Variants in CBX7 observed in about 807,000 individuals in gnomAD.
The protein encoded by CBX7 is chromobox 7.
CBX7 carries 14 observed loss-of-function variants against 31.4 expected under a neutral mutation model. The ratio of observed to expected loss-of-function variants is 0.45; its 90% CI spans 0.29 to 0.70. The LOEUF is 0.70. CBX7 is among the 30% of genes least tolerant of loss of function. The pLI is 0.11. For synonymous variants in CBX7, 159 were observed against 152.6 expected (o/e 1.04, Z -0.31); for missense variants, 269 against 351.9 (o/e 0.76, Z 1.89).
intron 2 of CBX7, among the ~76,000 whole-genome samples, chr22:39,142,327 C>T (rs9611099): frequency 0.23 from 34,657 of 152,124 alleles, 4,689 homozygotes; most frequent in East Asian, 0.43. Flanking sequence ...CCATCCCCAG[C>T]ATAGTCTCCC....
At chr22:39,136,241 C>T (rs1221972464) in intron 4 of CBX7, 1 of 152,148 alleles carries the variant, frequency 6.6e-6, no homozygotes, top group African/African-American at 2.4e-5. Context: ...AGCTACCGGC[C>T]TCCCTGGGCC....
chr22:39,152,345 G>T lies in CBX7; in HGVS notation c.69+31C>A. On this transcript the variant is annotated intron_variant, in intron 1 of 5. Transcript: ENST00000216133. The surrounding 1 kb of genome is among the most constrained non-coding windows in gnomAD (Gnocchi z 4.9). ...CTGGGGACGGGAGGGACCCCACTGG[G>T]GTCCTGGGAGCCGCCCCCGGGCAGC... is the stretch of plus-strand genomic sequence containing the variant. The T allele has an allele frequency of 1.5e-6, 2 of 1,357,536 alleles. No homozygotes were observed. The highest frequency in any genetic ancestry group is 1.6e-5 in the South Asian group (1 of 61,882). The allele number at this position is 1,357,536 out of a possible 1,614,324, so 84.1% of individuals were successfully genotyped here.
intron 2 of CBX7, among the ~76,000 whole-genome samples, chr22:39,144,939 C>T (rs138393123): frequency 6.6e-6 from 1 of 152,318 alleles, no homozygotes; most frequent in African/African-American, 2.4e-5. Flanking sequence ...GGCAGCCAGC[C>T]CAGCGTCACT....
intron 2 of CBX7, among the ~76,000 whole-genome samples, chr22:39,145,724 CG>C (rs1242443154): frequency 7.0e-6 from 1 of 141,928 alleles, no homozygotes; most frequent in East Asian, 2.5e-4. Flanking sequence ...ACCGAGGGGG[CG>C]GGGGCGGGGG....
chr22:39,140,804 G>A (rs2146359783), intron 3 of CBX7, among the ~76,000 whole-genome samples: 1 of 152,254 alleles, frequency 6.6e-6, no homozygotes, highest in East Asian at 1.9e-4. Flanking sequence ...CCTGGCAGAG[G>A]TGGGAGACTG....
chr22:39,139,870 T>C (rs1316722529), intron 3 of CBX7, among the ~76,000 whole-genome samples: 5 of 149,644 alleles, frequency 3.3e-5, no homozygotes, highest in African/African-American at 4.9e-5. Flanking sequence ...GCAGAGGTTG[T>C]AGTGAGCCAA....
At chr22:39,147,600 C>A (rs1930707089) in intron 2 of CBX7, 1 of 151,030 alleles carries the variant, frequency 6.6e-6, no homozygotes, top group South Asian at 2.1e-4. Flanking sequence ...AGCTGGCTCC[C>A]CTGCTTCTCC....
chr22:39,146,307 C>T (rs1022331008), intron 2 of CBX7, among the ~76,000 whole-genome samples: 1 of 152,254 alleles, frequency 6.6e-6, no homozygotes, highest in African/African-American at 2.4e-5. Context: ...GTCTGCGGCT[C>T]CTAACTCCAG....
At position 39,132,354 on chromosome 22, in the gene CBX7, C is replaced by T. The variant is rs1157913627; in HGVS notation, c.*1537G>A. On this transcript the variant is annotated 3_prime_UTR_variant, in exon 6 of 6. Transcript: ENST00000216133. ...TCAAACTTGCTGGCCGCACTCCACT[C>T]TTGGTGTGTGTTACCCTGACTCTGA... is the stretch of plus-strand genomic sequence containing the variant. 1.3e-5 allele frequency: 2 copies of T among 152,244 alleles called. No individual in the cohort carries two copies. Among genetic ancestry groups the T allele is most frequent in the African/African-American group, 2.4e-5 (1 of 41,440 alleles). The allele number at this position is 152,244 out of a possible 1,614,324, so 9.4% of individuals were successfully genotyped here.
At chr22:39,147,811 T>C (rs1020406701) in intron 2 of CBX7, 1 of 152,276 alleles carries the variant, frequency 6.6e-6, no homozygotes, top group Admixed American at 6.5e-5. Context: ...CTGGCCTAAA[T>C]GATTTCTAAG....
In CBX7 at chr22:39,132,237, G is replaced by A. The variant is rs888872300; in HGVS notation, c.*1654C>T. 7 of 152,296 alleles carry A rather than the reference G, an allele frequency of 4.6e-5. No homozygotes were observed. The highest frequency in any genetic ancestry group is 7.3e-5 in the Non-Finnish European group (5 of 68,114). 9.4% of individuals were successfully genotyped at this position (152,296 alleles called of 1,614,324 possible). On this transcript the variant is annotated 3_prime_UTR_variant, in exon 6 of 6. Transcript: ENST00000216133. Reference sequence around the variant, plus strand: ...TTGGTTTGGGAACCAGGGAAGAAGGGATTTGGGGAAAGAATCACCCTCTCC... The same window carrying A: ...TTGGTTTGGGAACCAGGGAAGAAGGAATTTGGGGAAAGAATCACCCTCTCC...
chr22:39,137,973 A>G (rs1198591689), intron 4 of CBX7, among the ~76,000 whole-genome samples: 2 of 152,066 alleles, frequency 1.3e-5, no homozygotes, highest in Non-Finnish European at 2.9e-5. Flanking sequence ...TGAGGTCAGG[A>G]GATCGAGACC....
chr22:39,152,182 G>A lies in CBX7; in HGVS notation c.69+194C>T, dbSNP rs1930882778. 6.6e-6 allele frequency among the ~76,000 whole-genome samples: 1 copy of A among 151,980 alleles called. No homozygotes were observed. Among genetic ancestry groups the A allele is most frequent in the Non-Finnish European group, 1.5e-5 (1 of 67,954 alleles). On this transcript the variant is annotated intron_variant, in intron 1 of 5. Transcript: ENST00000216133. This position sits in a 1 kb window ranked among gnomAD's most constrained non-coding sequence, Gnocchi z 4.9. ...TCGGCCGCCACTAGCATCCTGGAGCGACAACTTTTGTTCTACTCGCCCTAC... is the reference window on the plus strand; with the variant it reads ...TCGGCCGCCACTAGCATCCTGGAGCAACAACTTTTGTTCTACTCGCCCTAC...
In CBX7 at chr22:39,141,558, G is replaced by T. The variant is rs947034733; in HGVS notation, c.114-122C>A. On this transcript the variant is annotated intron_variant, in intron 2 of 5. Coordinates refer to ENST00000216133, the MANE Select transcript of CBX7 (RefSeq NM_175709.5). ...GAGGTCAGGAGTTCAAGACCAGCCT[G>T]GCCAACATGGCAAAACCCCATCTCT... 4 of 677,952 alleles carry T rather than the reference G, an allele frequency of 5.9e-6. No homozygotes were observed. The African/African-American group carries it at 7.5e-5, about 13-fold the overall frequency. 42.0% of individuals were successfully genotyped at this position (677,952 alleles called of 1,614,324 possible).
At chr22:39,144,671 G>T (rs1428913909) in intron 2 of CBX7, among the ~76,000 whole-genome samples, 1 of 152,180 alleles carries the variant, frequency 6.6e-6, no homozygotes, top group Non-Finnish European at 1.5e-5. Flanking sequence ...GGGGAATTTC[G>T]TGCTCCTCTC....
At position 39,134,423 on chromosome 22, in the gene CBX7, A is replaced by G; in HGVS notation, c.576T>C (p.Ala192=). 6.2e-7 allele frequency: 1 copy of G among 1,601,752 alleles called. No homozygotes were observed. Among genetic ancestry groups the G allele is most frequent in the Non-Finnish European group, 8.5e-7 (1 of 1,179,472 alleles). ...TACCCTCCTCTTCAGGGGGCTGCGCAGCAGGCTCCCACTCGCCAGCCGCCT... is the reference window on the plus strand; with the variant it reads ...TACCCTCCTCTTCAGGGGGCTGCGCGGCAGGCTCCCACTCGCCAGCCGCCT... ...VLQAAGEWEP[A]AQPPEEEADA... Residue 192 remains alanine (A), a synonymous_variant, in exon 5 of 6, where the codon GCT becomes GCC. Coordinates refer to ENST00000216133, the MANE Select transcript of CBX7 (RefSeq NM_175709.5).
Position 39,152,044 on chromosome 22 carries a change from G to T in CBX7, c.69+332C>A, listed in dbSNP as rs1298498005. Among the ~76,000 whole-genome samples, 2 of 152,168 alleles carry T rather than the reference G, an allele frequency of 1.3e-5. No individual in the cohort carries two copies. Among genetic ancestry groups the T allele is most frequent in the Non-Finnish European group, 2.9e-5 (2 of 68,026 alleles). ...CCCAGCTCTGACCATAACGCGCTAG[G>T]CAAGTCCTTTCAACTTGGGCCTCAG... On this transcript the variant is annotated intron_variant, in intron 1 of 5. Coordinates refer to ENST00000216133, the MANE Select transcript of CBX7 (RefSeq NM_175709.5). This position sits in a 1 kb window ranked among gnomAD's most constrained non-coding sequence, Gnocchi z 4.9.
At position 39,134,449 on chromosome 22, in the gene CBX7, G is replaced by A; in HGVS notation, c.550C>T (p.Gln184Ter). 6.2e-7 allele frequency: 1 copy of A among 1,606,224 alleles called. No individual in the cohort carries two copies. Residue 184 changes from glutamine (Q) to a stop codon, truncating the protein, a stop_gained, in exon 5 of 6, where the codon CAG (glutamine) becomes TAG (stop). Coordinates refer to ENST00000216133, the MANE Select transcript of CBX7 (RefSeq NM_175709.5). LOFTEE classifies it high-confidence loss of function. ...GCAGGCTCCCACTCGCCAGCCGCCTGCAGGACGTCTGGGGCCGGTGGCTCC... is the reference window on the plus strand; with the variant it reads ...GCAGGCTCCCACTCGCCAGCCGCCTACAGGACGTCTGGGGCCGGTGGCTCC... Reference protein sequence around the residue: ...LQEPPAPDVLQAAGEWEPAAQ... With the variant: ...LQEPPAPDVL
In CBX7 at chr22:39,133,823, A is replaced by C; in HGVS notation, c.*68T>G. 2.2e-6 allele frequency: 3 copies of C among 1,387,266 alleles called. No homozygotes were observed. The highest frequency in any genetic ancestry group is 2.9e-6 in the Non-Finnish European group (3 of 1,024,574). 85.9% of individuals were successfully genotyped at this position (1,387,266 alleles called of 1,614,324 possible). A position where few individuals can be genotyped will look rare whatever the true frequency, so the allele number is the denominator to read the frequency against. On this transcript the variant is annotated 3_prime_UTR_variant, in exon 6 of 6. Coordinates refer to ENST00000216133, the MANE Select transcript of CBX7 (RefSeq NM_175709.5). ...AAAATAATTACCCCGCCCCCAACCCATCCCTATCTCTGGAAGTCCCACCCC... is the reference window on the plus strand; with the variant it reads ...AAAATAATTACCCCGCCCCCAACCCCTCCCTATCTCTGGAAGTCCCACCCC...
Sources: gnomAD v4.1 joint callset for allele counts (sites outside exome capture counted in the v4.1 genomes callset) on GRCh38, gnomAD v4.1.1 for gene constraint, Gnocchi (gnomAD v3.1) non-coding constraint, MANE v1.5 for transcripts, NCBI Gene and HGNC (gene_info 2026-07-23, HGNC 2026-07-21) for gene names.